LAMA3: variants seen among roughly 807,000 people sequenced by gnomAD.
LAMA3 encodes the protein laminin subunit alpha-3.
Under a neutral mutation model 402.0 loss-of-function variants are expected in LAMA3, and 281 were observed. The ratio of observed to expected loss-of-function variants is 0.70; its 90% confidence interval spans 0.63 to 0.77. The LOEUF (loss-of-function observed/expected upper bound fraction) is 0.77. Among genes scored for constraint, LAMA3 ranks in the 30% least tolerant of loss-of-function variants. The pLI is 0.00. For synonymous variants in LAMA3, 1,431 were observed against 1,558.4 expected, an observed-to-expected ratio of 0.92 and a Z score of 1.93; for missense variants, 3,840 against 4,215.5, an observed-to-expected ratio of 0.91 and a Z score of 2.47.
Position 23,921,066 on chromosome 18 carries a change from G to T in LAMA3, c.8043+12G>T. 1 of 1,613,728 alleles carries T rather than the reference G, an allele frequency of 6.2e-7. No homozygotes were observed. The highest frequency in any genetic ancestry group is 1.1e-5 in the South Asian group (1 of 91,062). On this transcript the variant is annotated intron_variant, in intron 61 of 74. Coordinates refer to ENST00000313654, the MANE Select transcript of LAMA3 (RefSeq NM_198129.4). ...GCAGAGACCATTCGGTACACCTTTT[G>T]AGTCTGTTTACTTGAATCGTTAAAT... is the stretch of plus-strand genomic sequence containing the variant.
At chr18:23,707,449 G>C (rs2060910941) in intron 1 of LAMA3, among the ~76,000 whole-genome samples, 1 of 152,206 alleles carries the variant, frequency 6.6e-6, no homozygotes, top group South Asian at 2.1e-4. Flanking sequence ...AATCAAGTCA[G>C]TCTGGATTCA....
chr18:23,706,712 T>C (rs1374739540), intron 1 of LAMA3, among the ~76,000 whole-genome samples: 2 of 152,196 alleles, frequency 1.3e-5, no homozygotes, highest in African/African-American at 4.8e-5. Flanking sequence ...GAGTTCTTCG[T>C]TGATTTTAAG....
At position 23,832,315 on chromosome 18, in the gene LAMA3, C is replaced by G. The variant is rs145683016; in HGVS notation, c.2824-1513C>G. Among the ~76,000 whole-genome samples the G allele has an allele frequency of 2.0e-3, 312 of 152,242 alleles. 2 individuals are homozygous for G. The highest frequency in any genetic ancestry group is 7.1e-3 in the African/African-American group (295 of 41,528). Reference sequence around the variant, plus strand: ...GGCAGAGCCATATTTCCCTCTAGAACATGGAGTCAACATTGGTATGGCTGA... The same window carrying G: ...GGCAGAGCCATATTTCCCTCTAGAAGATGGAGTCAACATTGGTATGGCTGA... On this transcript the variant is annotated intron_variant, in intron 23 of 74. Transcript: ENST00000313654.
intron 12 of LAMA3, among the ~76,000 whole-genome samples, 167 bp downstream of exon 12, chr18:23,784,324 T>G (rs2062497412): frequency 6.6e-6 from 1 of 152,172 alleles, no homozygotes; most frequent in Admixed American, 6.5e-5. Flanking sequence ...ACCTTGTCAC[T>G]TCCCTTCTTT....
At chr18:23,733,948 T>C (rs1305696636) in intron 2 of LAMA3, among the ~76,000 whole-genome samples, 1 of 152,240 alleles carries the variant, frequency 6.6e-6, no homozygotes, top group African/African-American at 2.4e-5. Context: ...GGAATCTGCA[T>C]TTTAACATGC....
chr18:23,945,077 G>C (rs1334548412), intron 69 of LAMA3, among the ~76,000 whole-genome samples: 1 of 151,322 alleles, frequency 6.6e-6, no homozygotes, highest in Non-Finnish European at 1.5e-5. Context: ...AGGTTGCAGT[G>C]AGCCGAGATC....
chr18:23,707,809 CA>C (rs2060918387), intron 1 of LAMA3, among the ~76,000 whole-genome samples: 1 of 150,646 alleles, frequency 6.6e-6, no homozygotes, highest in African/African-American at 2.4e-5. Flanking sequence ...CGCAGTGGTG[CA>C]ATTTCAGCTC....
chr18:23,826,898 A>G lies in LAMA3; in HGVS notation c.2669+99A>G, dbSNP rs917372091. The stretch of plus-strand genomic sequence containing the variant: ...TGAGGTGTCTCAGGATCACAACGAC[A>G]GCATGATGCTCTGGATAATTAGTTG... On this transcript the variant is annotated intron_variant, in intron 22 of 74. Coordinates refer to ENST00000313654, the MANE Select transcript of LAMA3 (RefSeq NM_198129.4). 1.9e-5 allele frequency: 14 copies of G among 733,574 alleles called. No homozygotes were observed. The African/African-American group carries it at 2.4e-4, about 13-fold the overall frequency. The allele number at this position is 733,574 out of a possible 1,614,324, so 45.4% of individuals were successfully genotyped here. A position where few individuals can be genotyped will look rare whatever the true frequency, so the allele number is the denominator to read the frequency against.
At chr18:23,829,342 T>C (rs2063449576) in intron 23 of LAMA3, among the ~76,000 whole-genome samples, 1 of 152,242 alleles carries the variant, frequency 6.6e-6, no homozygotes, top group Admixed American at 6.5e-5. Context: ...TAATATTCAA[T>C]TTATGTGTTT....
chr18:23,863,913 T>C (rs1415411744), intron 35 of LAMA3, among the ~76,000 whole-genome samples: 1 of 152,206 alleles, frequency 6.6e-6, no homozygotes, highest in Non-Finnish European at 1.5e-5. Flanking sequence ...ATCATGCTGC[T>C]TGTGGGACAT....
chr18:23,842,274 A>C (rs2063718018), intron 27 of LAMA3, 121 bp from the exon 28 acceptor site: 6 of 1,256,130 alleles, frequency 4.8e-6, no homozygotes, highest in African/African-American at 1.5e-5. Flanking sequence ...TTGTCATTTC[A>C]CTTTGGTAAA....
At chr18:23,815,645 C>T in intron 17 of LAMA3, 72 bp downstream of exon 17, 1 of 1,055,764 alleles carries the variant, frequency 9.5e-7, no homozygotes, top group Non-Finnish European at 1.5e-6. Flanking sequence ...AACATTTCTT[C>T]TGAGTTTGTC....
At chr18:23,739,752 T>A (rs1018822262) in intron 2 of LAMA3, among the ~76,000 whole-genome samples, 1 of 152,234 alleles carries the variant, frequency 6.6e-6, no homozygotes, top group Non-Finnish European at 1.5e-5. Context: ...ATTTAGAATC[T>A]AATTTAGGAC....
At position 23,819,926 on chromosome 18, in the gene LAMA3, C is replaced by A. The variant is rs192156286; in HGVS notation, c.2233C>A (p.Arg745=). ...CAGCACACCTAATGGGAGAGACCTTCGATTTGGATTTGATCCGCTGGCATT... is the reference window on the plus strand; with the variant it reads ...CAGCACACCTAATGGGAGAGACCTTAGATTTGGATTTGATCCGCTGGCATT... The part of the protein sequence containing the change: ...DGSTPNGRDL[R]FGFDPLAFPE... Residue 745 remains arginine, a synonymous_variant, in exon 19 of 75, where the codon CGA becomes AGA. Coordinates refer to ENST00000313654, the MANE Select transcript of LAMA3 (RefSeq NM_198129.4). 1.2e-6 allele frequency: 2 copies of A among 1,614,072 alleles called. No homozygotes were observed. The highest frequency in any genetic ancestry group is 2.7e-5 in the African/African-American group (2 of 75,010).
chr18:23,931,184 A>G lies in LAMA3; in HGVS notation c.8559A>G (p.Val2853=), dbSNP rs2145398582. 1 of 1,612,820 alleles carries G rather than the reference A, an allele frequency of 6.2e-7. No individual in the cohort carries two copies. The highest frequency in any genetic ancestry group is 8.5e-7 in the Non-Finnish European group (1 of 1,178,752). The change falls in exon 65 of 75, where the codon GTA becomes GTG. Residue 2853 remains valine (V), a synonymous_variant. Coordinates refer to ENST00000313654, the MANE Select transcript of LAMA3 (RefSeq NM_198129.4). ...ATGGTTTACTGCATTATGTATCTGTAATAAGCGACAACTCTGGGTGAGTGG... is the reference window on the plus strand; with the variant it reads ...ATGGTTTACTGCATTATGTATCTGTGATAAGCGACAACTCTGGGTGAGTGG... ...YMDGLLHYVS[V]ISDNSGLRLL... is the part of the protein sequence containing the mutation.
Position 23,813,821 on chromosome 18 carries a change from C to A in LAMA3, c.1789-582C>A, listed in dbSNP as rs796664272. On this transcript the variant is annotated intron_variant, in intron 14 of 74. Transcript: ENST00000313654. ...CCTCCCAAAGTGCTGGGGTTACAGG[C>A]GTGAGCTACCACACCCGGCCTATTC... 2.0e-5 allele frequency among the ~76,000 whole-genome samples: 3 copies of A among 152,046 alleles called. No homozygotes were observed. In the South Asian group the frequency reaches 6.2e-4, roughly 31 times the overall value.
intron 24 of LAMA3, among the ~76,000 whole-genome samples, chr18:23,835,157 G>A (rs2063557433): frequency 6.6e-6 from 1 of 152,210 alleles, no homozygotes; most frequent in South Asian, 2.1e-4. Context: ...GAGGCCTGGA[G>A]ACTGTTAGCC....
chr18:23,841,759 C>G (rs939915568), intron 27 of LAMA3, among the ~76,000 whole-genome samples: 1 of 152,070 alleles, frequency 6.6e-6, no homozygotes, highest in African/African-American at 2.4e-5. Context: ...CCTATCTCTA[C>G]AAAAATTTAA....
intron 14 of LAMA3, among the ~76,000 whole-genome samples, chr18:23,813,593 G>C (rs1156232910): frequency 7.0e-6 from 1 of 143,634 alleles, no homozygotes; most frequent in African/African-American, 2.6e-5. Context: ...GCCCAGGCCG[G>C]AGTGCAGTGC....
Sources: gnomAD v4.1 joint callset for allele counts (sites outside exome capture counted in the v4.1 genomes callset) on GRCh38, gnomAD v4.1.1 for gene constraint, MANE v1.5 for transcripts, NCBI Gene and HGNC (gene_info 2026-07-23, HGNC 2026-07-21) for gene names.